HOGA1: variants seen among roughly 807,000 people sequenced by gnomAD.
HOGA1 encodes the protein 4-hydroxy-2-oxoglutarate aldolase 1, also known as 4-hydroxy-2-oxoglutarate aldolase, mitochondrial.
In HOGA1, 30 loss-of-function variants were observed where a neutral mutation model predicts 34.3. That is an observed-to-expected ratio of 0.87 (90% CI 0.65 to 1.19). The LOEUF is 1.19. Among genes scored for constraint, HOGA1 ranks in the 50% most tolerant of loss-of-function variants. The probability of loss-of-function intolerance (pLI) is 0.00; values close to 1 mark genes in which losing one functional copy is unlikely to be tolerated. For synonymous variants in HOGA1, 161 were observed against 174.0 expected (o/e 0.93, Z 0.59); for missense variants, 417 against 436.5 (o/e 0.96, Z 0.40).
chr10:97,601,735 C>T, intron 5 of HOGA1, 122 bp from the exon 6 acceptor site: 1 of 1,183,602 alleles, frequency 8.4e-7, no homozygotes, highest in Non-Finnish European at 1.2e-6. Flanking sequence ...TTTGATGTAG[C>T]CAGCCAAGTG....
intron 6 of HOGA1, among the ~76,000 whole-genome samples, chr10:97,604,657 C>A (rs973934308): frequency 6.6e-5 from 10 of 151,814 alleles, no homozygotes; most frequent in Admixed American, 6.6e-4. Context: ...TGTTGAAGAA[C>A]AGCTGGGTTA....
chr10:97,605,126 T>C (rs539590667), intron 6 of HOGA1, among the ~76,000 whole-genome samples: 3 of 152,232 alleles, frequency 2.0e-5, no homozygotes, highest in African/African-American at 7.2e-5. Context: ...GAGAAACTGC[T>C]GGCTGGGTGT....
chr10:97,587,315 A>C (rs1300029810), intron 1 of HOGA1, among the ~76,000 whole-genome samples: 9 of 152,184 alleles, frequency 5.9e-5, no homozygotes, highest in Non-Finnish European at 1.3e-4. Context: ...GGCCAGGCAC[A>C]GTGGCTTACT....
chr10:97,602,616 G>T (rs1011068377), intron 6 of HOGA1: 2 of 974,454 alleles, frequency 2.1e-6, no homozygotes, highest in Admixed American at 1.2e-4. Flanking sequence ...TCTTTCCTTC[G>T]TTCCTTTGTT....
rs61731946 is a variant in HOGA1 at position 97,601,864 on chromosome 10, G to A, written c.708G>A (p.Val236=). The change falls in exon 6 of 7, where the codon GTG becomes GTA. Residue 236 remains valine, a synonymous_variant. Coordinates refer to ENST00000370646, the MANE Select transcript of HOGA1 (RefSeq NM_138413.4). ...GCGTCTTACTTCGTGCAGGAGCTGT[G>A]GGGGGCGTCTGCGCCCTGGCCAATG... ...FLMASYALGA[V]GGVCALANVL... is the part of the protein sequence containing the mutation. The A allele has an allele frequency of 1.2e-6, 2 of 1,612,256 alleles. No individual in the cohort carries two copies. The highest frequency in any genetic ancestry group is 1.7e-6 in the Non-Finnish European group (2 of 1,179,958).
At chr10:97,610,190 A>G (rs1179505747) in intron 6 of HOGA1, among the ~76,000 whole-genome samples, 1 of 152,344 alleles carries the variant, frequency 6.6e-6, no homozygotes, top group East Asian at 1.9e-4. Flanking sequence ...ATAATAGGCC[A>G]GGCGCCGTGG....
At chr10:97,605,561 G>A (rs1284315669) in intron 6 of HOGA1, among the ~76,000 whole-genome samples, 1 of 152,136 alleles carries the variant, frequency 6.6e-6, no homozygotes, top group Non-Finnish European at 1.5e-5. Flanking sequence ...TAGTTTTTCT[G>A]CAGCTTTGCC....
At chr10:97,589,901 C>G in intron 1 of HOGA1, 1 of 1,611,376 alleles carries the variant, frequency 6.2e-7, no homozygotes, top group Non-Finnish European at 8.5e-7. Flanking sequence ...AGGTCTCATG[C>G]TGTGGGTTCA....
intron 1 of HOGA1, among the ~76,000 whole-genome samples, chr10:97,593,442 C>A (rs1020331193): frequency 4.6e-5 from 7 of 151,688 alleles, no homozygotes; most frequent in Admixed American, 3.3e-4. Context: ...ATGCCACTGC[C>A]CTCCAGCCTG....
chr10:97,608,802 T>TAA (rs2041175788), intron 6 of HOGA1, among the ~76,000 whole-genome samples: 1 of 64,092 alleles, frequency 1.6e-5, no homozygotes, highest in Non-Finnish European at 3.8e-5. Context: ...TGGGACTGTT[T>TAA]CAAAAAAAAA....
chr10:97,602,989 G>T lies in HOGA1; in HGVS notation c.834+999G>T, dbSNP rs145131217. On this transcript the variant is annotated intron_variant, in intron 6 of 6. Transcript: ENST00000370646. ...TTACAGGCGTAAGCCACAGTGCCCG[G>T]CCTATTCTTTTTTCTTTTCTTTTCT... 4.6e-5 allele frequency among the ~76,000 whole-genome samples: 7 copies of T among 152,098 alleles called. No homozygotes were observed. The East Asian group carries it at 1.4e-3, about 29-fold the overall frequency.
intron 1 of HOGA1, among the ~76,000 whole-genome samples, chr10:97,598,073 A>G (rs2041084649): frequency 6.6e-6 from 1 of 152,290 alleles, no homozygotes; most frequent in Non-Finnish European, 1.5e-5. Context: ...AAGACTTTAC[A>G]GAAAATGTTT....
rs190522930 is a variant in HOGA1 at position 97,611,846 on chromosome 10, G to A, written c.*187G>A. The stretch of plus-strand genomic sequence containing the variant: ...GCCCATGCATATCTCCTATTCTAAC[G>A]GCCCCTGACCTCTCCCTTTTGGATC... On this transcript the variant is annotated 3_prime_UTR_variant, in exon 7 of 7. Transcript: ENST00000370646. 7 of 634,288 alleles carry A rather than the reference G, an allele frequency of 1.1e-5. No individual in the cohort carries two copies. Among genetic ancestry groups the A allele is most frequent in the Middle Eastern group, 4.3e-4 (1 of 2,324 alleles). 39.3% of individuals were successfully genotyped at this position (634,288 alleles called of 1,614,324 possible).
chr10:97,606,317 C>G (rs1469343263), intron 6 of HOGA1, among the ~76,000 whole-genome samples: 3 of 151,080 alleles, frequency 2.0e-5, no homozygotes, highest in African/African-American at 7.3e-5. Flanking sequence ...AAAAAAAAAT[C>G]TTGAAGAGTT....
intron 6 of HOGA1, among the ~76,000 whole-genome samples, chr10:97,604,040 C>A (rs961527918): frequency 6.6e-6 from 1 of 152,196 alleles, no homozygotes; most frequent in Admixed American, 6.5e-5. Flanking sequence ...TCTGTCCCTA[C>A]AAGGATCCCT....
In HOGA1 at chr10:97,612,552, T is replaced by G. The variant is rs1371782878; in HGVS notation, c.*893T>G. 6.6e-6 allele frequency: 1 copy of G among 152,208 alleles called. No individual in the cohort carries two copies. Among genetic ancestry groups the G allele is most frequent in the Non-Finnish European group, 1.5e-5 (1 of 68,042 alleles). The allele number at this position is 152,208 out of a possible 1,614,324, so 9.4% of individuals were successfully genotyped here. ...CCTTTTCTAAATCTATTTTCATTCA[T>G]CTCCTATTCTGGTCTGTAGCCTTGA... On this transcript the variant is annotated 3_prime_UTR_variant, in exon 7 of 7. Coordinates refer to ENST00000370646, the MANE Select transcript of HOGA1 (RefSeq NM_138413.4).
At chr10:97,607,105 T>TAAA (rs754597119) in intron 6 of HOGA1, among the ~76,000 whole-genome samples, 24,365 of 131,490 alleles carry the variant, frequency 0.19, 2,661 homozygotes, top group African/African-American at 0.27. Flanking sequence ...CCCCATCTCT[T>TAAA]AAAAAAAAAA....
rs371585334 is a variant in HOGA1 at position 97,584,674 on chromosome 10, G to A, written c.-30G>A. ...AAACTAAGTCTCACTCTGGGACATA[G>A]ACCAATTGTGCTTCAGGCCTCCTGC... is the stretch of plus-strand genomic sequence containing the variant. On this transcript the variant is annotated 5_prime_UTR_variant, in exon 1 of 7. Transcript: ENST00000370646. The A allele has an allele frequency of 4.1e-5, 64 of 1,568,158 alleles. No individual in the cohort carries two copies. Among genetic ancestry groups the A allele is most frequent in the Non-Finnish European group, 5.0e-5 (57 of 1,143,260 alleles).
chr10:97,596,839 A>G (rs571164023), intron 1 of HOGA1, among the ~76,000 whole-genome samples: 1 of 152,268 alleles, frequency 6.6e-6, no homozygotes, highest in Admixed American at 6.5e-5. Flanking sequence ...AGTCTACATC[A>G]CACAGTGTCC....
Sources: allele counts gnomAD v4.1 joint callset (sites outside exome capture counted in the v4.1 genomes callset), GRCh38; gene constraint gnomAD v4.1.1; transcripts MANE v1.5; gene names NCBI Gene and HGNC (gene_info 2026-07-23, HGNC 2026-07-21).